DOCK7: variants seen among roughly 807,000 people sequenced by gnomAD.
DOCK7 encodes dedicator of cytokinesis 7, also known as dedicator of cytokinesis protein 7.
A neutral mutation model predicts 271.0 loss-of-function variants in DOCK7; 138 were observed. The ratio of observed to expected loss-of-function variants is 0.51; its 90% CI spans 0.44 to 0.59. DOCK7 has a LOEUF of 0.59. Ranked by LOEUF, DOCK7 falls within the 20% of genes least tolerant of loss-of-function variation. The probability of loss-of-function intolerance (pLI) is 0.00; values close to 1 mark genes in which losing one functional copy is unlikely to be tolerated. For missense variants in DOCK7, 2,066 were observed against 2,592.4 expected (o/e 0.80, Z 4.41); for synonymous variants, 823 against 876.1 (o/e 0.94, Z 1.07).
chr1:62,621,196 G>C (rs1315810168), intron 12 of DOCK7, among the ~76,000 whole-genome samples: 1 of 151,822 alleles, frequency 6.6e-6, no homozygotes, highest in South Asian at 2.1e-4. Flanking sequence ...GGAATAGGAG[G>C]AGGAAGAAAC....
chr1:62,629,784 C>T (rs541520976), intron 11 of DOCK7: 1 of 152,278 alleles, frequency 6.6e-6, no homozygotes, highest in South Asian at 2.1e-4. Context: ...TCAATTTTAC[C>T]ACATGCTAAT....
chr1:62,616,993 A>G (rs1652518018), intron 14 of DOCK7, among the ~76,000 whole-genome samples: 1 of 151,666 alleles, frequency 6.6e-6, no homozygotes. Context: ...TCAGACATAA[A>G]AGAAAATTTA....
At chr1:62,604,187 TG>T in intron 14 of DOCK7, 1 of 1,613,392 alleles carries the variant, frequency 6.2e-7, no homozygotes, top group South Asian at 1.1e-5. Flanking sequence ...GTTTTCTACT[TG>T]GGATCACAAA....
At chr1:62,562,254 TAG>T (rs1646349998) in intron 18 of DOCK7, among the ~76,000 whole-genome samples, 1 of 149,730 alleles carries the variant, frequency 6.7e-6, no homozygotes, top group Non-Finnish European at 1.5e-5. Flanking sequence ...TTTTTTGAAA[TAG>T]AGTCTCGCTC....
chr1:62,562,909 C>A (rs547843872), intron 18 of DOCK7, among the ~76,000 whole-genome samples: 1 of 152,286 alleles, frequency 6.6e-6, no homozygotes, highest in East Asian at 1.9e-4. Context: ...CGCCTCCCTA[C>A]ACTGAATGGA....
chr1:62,577,334 C>A lies in DOCK7; in HGVS notation c.2040G>T (p.Leu680Phe). ...CTGGCAAGCAAAACTGGCCAGTCTTCAACCGTCCATTCTGAAGCATTGGTA... is the reference window on the plus strand; with the variant it reads ...CTGGCAAGCAAAACTGGCCAGTCTTAAACCGTCCATTCTGAAGCATTGGTA... ...TWIPMLQNGR[L>F]KTGQFCLPVS... The change falls in exon 18 of 50, where the codon TTG becomes TTT. Residue 680 changes from leucine to phenylalanine, a missense_variant. Transcript: ENST00000635253. The A allele has an allele frequency of 6.3e-7, 1 of 1,589,294 alleles. No individual in the cohort carries two copies. Among genetic ancestry groups the A allele is most frequent in the Non-Finnish European group, 8.6e-7 (1 of 1,165,022 alleles).
At chr1:62,459,378 C>T (rs1202063129) in intron 48 of DOCK7, among the ~76,000 whole-genome samples, 1 of 151,716 alleles carries the variant, frequency 6.6e-6, no homozygotes, top group Non-Finnish European at 1.5e-5. Flanking sequence ...GTAGCTGGGA[C>T]TACAGGCTCA....
intron 28 of DOCK7, 29 bp from the exon 29 acceptor site, chr1:62,535,661 A>G (rs376287227): frequency 1.7e-5 from 28 of 1,604,946 alleles, no homozygotes; most frequent in African/African-American, 2.7e-5. Context: ...GAACAAGACT[A>G]TAACAGCAGT....
At chr1:62,661,515 T>A (rs1426758501) in intron 2 of DOCK7, among the ~76,000 whole-genome samples, 3 of 152,020 alleles carry the variant, frequency 2.0e-5, no homozygotes, top group Non-Finnish European at 4.4e-5. Flanking sequence ...AATATTTTTT[T>A]AAATTCAATT....
intron 29 of DOCK7, among the ~76,000 whole-genome samples, chr1:62,531,483 T>C (rs2149377237): frequency 6.6e-6 from 1 of 152,346 alleles, no homozygotes; most frequent in African/African-American, 2.4e-5. Context: ...CAAATAATTC[T>C]TCAATTCTTT....
chr1:62,539,604 G>A lies in DOCK7; in HGVS notation c.3241C>T (p.Leu1081=). ...AATCCTCTGTCCATAACAGACAACA[G>A]ATCATTGAGAAAGAATGCAAGGCTT... is the stretch of plus-strand genomic sequence containing the variant. ...NTSLAFFLND[L]LSVMDRGFVF... Residue 1081 remains leucine (L), a synonymous_variant, in exon 27 of 50, where the codon CTG becomes TTG. Transcript: ENST00000635253. The A allele has an allele frequency of 1.2e-6, 2 of 1,613,926 alleles. No individual in the cohort carries two copies. The highest frequency in any genetic ancestry group is 8.5e-7 in the Non-Finnish European group (1 of 1,179,926).
intron 12 of DOCK7, among the ~76,000 whole-genome samples, chr1:62,623,969 G>C (rs1653606477): frequency 6.6e-6 from 1 of 152,060 alleles, no homozygotes; most frequent in Non-Finnish European, 1.5e-5. Flanking sequence ...AGTAAGCCAG[G>C]ATTTCCTCTT....
intron 14 of DOCK7, among the ~76,000 whole-genome samples, chr1:62,617,636 A>G (rs531590777): frequency 6.6e-6 from 1 of 152,028 alleles, no homozygotes; most frequent in Non-Finnish European, 1.5e-5. Flanking sequence ...AAATATCTCA[A>G]TAATTCTTAA....
chr1:62,559,094 C>G lies in DOCK7; in HGVS notation c.2326G>C (p.Ala776Pro). The change falls in exon 20 of 50, where the codon GCA becomes CCA. Residue 776 changes from alanine (A) to proline (P), a missense_variant. Ala to Pro is a conservative substitution (Grantham distance 27). Transcript: ENST00000635253. ...LENELKSSIS[A>P]LNSSQLEPVV... ...GGTTCCAGCTGGGATGAATTCAGTG[C>G]TGAAATACTGCTCTTCAATTCATTT... is the stretch of plus-strand genomic sequence containing the variant. 1 of 1,613,860 alleles carries G rather than the reference C, an allele frequency of 6.2e-7. No homozygotes were observed. The highest frequency in any genetic ancestry group is 8.5e-7 in the Non-Finnish European group (1 of 1,179,916).
Position 62,648,289 on chromosome 1 carries a change from T to C in DOCK7, c.549A>G (p.Ile183Met). 6.2e-7 allele frequency: 1 copy of C among 1,612,906 alleles called. No individual in the cohort carries two copies. The highest frequency in any genetic ancestry group is 1.1e-5 in the South Asian group (1 of 90,906). ...QDDLKRRSMSIDDTPRGSWAC... is the reference protein window; with the variant it reads ...QDDLKRRSMSMDDTPRGSWAC... Reference sequence around the variant, plus strand: ...CCCAGCTACCCCTTGGGGTATCATCTATTGACATTGAACGTCTTTTAAGGT... The same window carrying C: ...CCCAGCTACCCCTTGGGGTATCATCCATTGACATTGAACGTCTTTTAAGGT... The change falls in exon 6 of 50, where the codon ATA becomes ATG. Residue 183 changes from isoleucine to methionine, a missense_variant. Physicochemically the swap from Ile to Met is conservative, Grantham distance 10. Coordinates refer to ENST00000635253, the MANE Select transcript of DOCK7 (RefSeq NM_001367561.1).
At chr1:62,603,425 GTTA>G (rs1650452437) in intron 14 of DOCK7, among the ~76,000 whole-genome samples, 1 of 151,536 alleles carries the variant, frequency 6.6e-6, no homozygotes, top group Admixed American at 6.6e-5. Flanking sequence ...ACAGAAAAAA[GTTA>G]TTAAGAACCA....
intron 25 of DOCK7, among the ~76,000 whole-genome samples, chr1:62,540,595 C>T (rs1645496667): frequency 6.6e-6 from 1 of 152,132 alleles, no homozygotes; most frequent in Non-Finnish European, 1.5e-5. Context: ...GTAGCTAATA[C>T]ACAGATGATA....
chr1:62,647,784 T>C lies in DOCK7; in HGVS notation c.733-8A>G. ...CCGTTCTATTGGTTCTTCCTACAAA[T>C]TGAAAAGCAACACCAAAATGAATAT... On this transcript the variant is annotated splice_polypyrimidine_tract_variant and splice_region_variant and intron_variant, in intron 6 of 49. Coordinates refer to ENST00000635253, the MANE Select transcript of DOCK7 (RefSeq NM_001367561.1). 1 of 1,586,462 alleles carries C rather than the reference T, an allele frequency of 6.3e-7. No homozygotes were observed. Among genetic ancestry groups the C allele is most frequent in the African/African-American group, 1.4e-5 (1 of 73,826 alleles).
chr1:62,592,702 CA>C (rs1380204180), intron 14 of DOCK7, among the ~76,000 whole-genome samples: 1 of 152,014 alleles, frequency 6.6e-6, no homozygotes, highest in Non-Finnish European at 1.5e-5. Context: ...GCCAGCAAAA[CA>C]AACTAGATAT....
Sources: allele counts gnomAD v4.1 joint callset (sites outside exome capture counted in the v4.1 genomes callset), GRCh38; gene constraint gnomAD v4.1.1; transcripts MANE v1.5; gene names NCBI Gene and HGNC (gene_info 2026-07-23, HGNC 2026-07-21).